Variants in NPIPB2 observed in about 807,000 individuals in gnomAD.
NPIPB2 encodes the protein nuclear pore complex-interacting protein family member B2.
NPIPB2 carries 27 observed loss-of-function variants against 30.8 expected under a neutral mutation model. That is an observed-to-expected ratio of 0.88 (90% CI 0.65 to 1.21). NPIPB2 has a LOEUF of 1.21. Among genes scored for constraint, NPIPB2 ranks in the 50% most tolerant of loss-of-function variants. The probability of loss-of-function intolerance (pLI) is 0.00; values close to 1 mark genes in which losing one functional copy is unlikely to be tolerated. For missense variants in NPIPB2, 440 were observed against 446.2 expected, an observed-to-expected ratio of 0.99 and a Z score of 0.13; for synonymous variants, 147 against 162.0, an observed-to-expected ratio of 0.91 and a Z score of 0.70.
chr16:11,945,112 G>T (rs902300724), upstream of NPIPB2, among the ~76,000 whole-genome samples: 3 of 152,070 alleles, frequency 2.0e-5, no homozygotes, highest in Admixed American at 2.0e-4. Flanking sequence ...GCTTGAACCC[G>T]GGAGGCAGAG....
At chr16:11,964,983 G>C (rs2055181991) in intron 1 of NPIPB2, 1 of 361,274 alleles carries the variant, frequency 2.8e-6, no homozygotes, top group Non-Finnish European at 5.1e-6. Context: ...CATTCGGCTT[G>C]ATGCTGTGGG....
At chr16:11,943,372 T>C (rs1185990618), upstream of NPIPB2, among the ~76,000 whole-genome samples, 2 of 151,772 alleles carry the variant, frequency 1.3e-5, no homozygotes. Context: ...AACAAAACTA[T>C]GGAATTCAAT....
intron 1 of NPIPB2, among the ~76,000 whole-genome samples, chr16:11,974,989 C>T (rs993028584): frequency 6.6e-6 from 1 of 150,808 alleles, no homozygotes; most frequent in African/African-American, 2.4e-5. Flanking sequence ...GCAGGAGAAT[C>T]ACTTGAACCC....
In NPIPB2 at chr16:11,957,486, G is replaced by T. The variant is rs1384581902; in HGVS notation, c.-583-15372C>A. Among the ~76,000 whole-genome samples, 3 of 151,916 alleles carry T rather than the reference G, an allele frequency of 2.0e-5. No individual in the cohort carries two copies. The East Asian group carries it at 5.8e-4, about 29-fold the overall frequency. Reference sequence around the variant, plus strand: ...CTTTTGTATTTTTTGTACAGACGGGGTTTCACCATGTTGGCCAGGCTGGTC... The same window carrying T: ...CTTTTGTATTTTTTGTACAGACGGGTTTTCACCATGTTGGCCAGGCTGGTC... On this transcript the variant is annotated intron_variant, in intron 1 of 5. Transcript: ENST00000538896.
intron 1 of NPIPB2, among the ~76,000 whole-genome samples, chr16:11,952,426 C>A (rs1371221023): frequency 2.6e-5 from 4 of 152,032 alleles, no homozygotes. Flanking sequence ...CCGTTTTGAT[C>A]TTGAATCTAT....
chr16:11,943,251 A>G (rs1294779966), upstream of NPIPB2, among the ~76,000 whole-genome samples: 1 of 152,132 alleles, frequency 6.6e-6, no homozygotes, highest in Admixed American at 6.5e-5. Context: ...CCCGGGAGGC[A>G]GAGTTTGCAG....
In NPIPB2 at chr16:11,933,824, C is replaced by A. The variant is rs760506781; in HGVS notation, c.292+1G>T. ...CTATGGGGACTCCAACAGAGCCATA[C>A]CTTCCTGTCTACGGCGGTTGGACCT... On this transcript the variant is annotated splice_donor_variant, in intron 3 of 7. Transcript: ENST00000399147. LOFTEE classifies it high-confidence loss of function. 18 of 1,588,904 alleles carry A rather than the reference C, an allele frequency of 1.1e-5. No individual in the cohort carries two copies. In the Admixed American group the frequency reaches 2.7e-4, roughly 24 times the overall value.
chr16:11,943,575 G>A (rs1252261128), upstream of NPIPB2, among the ~76,000 whole-genome samples: 10 of 151,478 alleles, frequency 6.6e-5, no homozygotes, highest in East Asian at 3.9e-4. Flanking sequence ...GGTGGCACAC[G>A]CCTGTAATCC....
At chr16:11,966,209 G>C (rs575347463) in intron 1 of NPIPB2, 1 of 1,613,204 alleles carries the variant, frequency 6.2e-7, no homozygotes, top group Admixed American at 1.7e-5. Context: ...GACCAATTCA[G>C]TGAAAGGAAC....
At chr16:11,948,292 T>C (rs2055031266) in intron 1 of NPIPB2, among the ~76,000 whole-genome samples, 1 of 152,080 alleles carries the variant, frequency 6.6e-6, no homozygotes, top group South Asian at 2.1e-4. Flanking sequence ...CTGTGGATCC[T>C]GTCATCAAGC....
At chr16:11,943,659 G>A (rs953722671), upstream of NPIPB2, among the ~76,000 whole-genome samples, 15 of 150,436 alleles carry the variant, frequency 1.0e-4, no homozygotes, top group Non-Finnish European at 1.3e-4. Context: ...CTGAGATCGC[G>A]CCATTGTACT....
intron 1 of NPIPB2, among the ~76,000 whole-genome samples, chr16:11,948,953 C>T (rs1248390075): frequency 1.3e-5 from 2 of 151,836 alleles, no homozygotes; most frequent in African/African-American, 4.8e-5. Context: ...GCCTGGGCAA[C>T]ATAGCAAGAC....
At chr16:11,969,388 C>G (rs539568839) in intron 1 of NPIPB2, among the ~76,000 whole-genome samples, 23 of 152,210 alleles carry the variant, frequency 1.5e-4, no homozygotes, top group African/African-American at 5.5e-4. Flanking sequence ...ACCCGAGTAG[C>G]TGGGATTACA....
At chr16:11,969,918 G>A (rs2055225265) in intron 1 of NPIPB2, among the ~76,000 whole-genome samples, 1 of 139,214 alleles carries the variant, frequency 7.2e-6, no homozygotes, top group Non-Finnish European at 1.5e-5. Context: ...GACTGCACTG[G>A]CATCATCTTG....
chr16:11,954,001 G>A (rs558183469), intron 1 of NPIPB2, among the ~76,000 whole-genome samples: 6 of 151,784 alleles, frequency 4.0e-5, no homozygotes, highest in Non-Finnish European at 8.8e-5. Context: ...TTGGTAAACA[G>A]TGCCTAGCAT....
At chr16:11,962,498 G>C (rs1468036179) in intron 1 of NPIPB2, among the ~76,000 whole-genome samples, 1 of 151,572 alleles carries the variant, frequency 6.6e-6, no homozygotes, top group Non-Finnish European at 1.5e-5. Flanking sequence ...TGTAGTCCCA[G>C]CTACTCTGGA....
exon 8 of NPIPB2, chr16:11,927,648 G>T: frequency 6.3e-7 from 1 of 1,598,838 alleles, no homozygotes; most frequent in Non-Finnish European, 8.5e-7. Flanking sequence ...GGTGGAAGGG[G>T]AGTGAGCAGA....
At chr16:11,952,546 T>C (rs1001468510) in intron 1 of NPIPB2, among the ~76,000 whole-genome samples, 4 of 145,360 alleles carry the variant, frequency 2.8e-5, no homozygotes, top group African/African-American at 1.0e-4. Context: ...AGTAGTGTAC[T>C]ACGGCCATCT....
intron 1 of NPIPB2, among the ~76,000 whole-genome samples, chr16:11,957,095 C>T (rs532686161): frequency 2.6e-5 from 4 of 151,752 alleles, no homozygotes; most frequent in Non-Finnish European, 5.9e-5. Flanking sequence ...GGGGTTCAAG[C>T]GATTCTCCTG....
Sources: gnomAD v4.1 joint callset for allele counts (sites outside exome capture counted in the v4.1 genomes callset) on GRCh38, gnomAD v4.1.1 for gene constraint, MANE v1.5 for transcripts, NCBI Gene and HGNC (gene_info 2026-07-23, HGNC 2026-07-21) for gene names.